Variants in IFT172 observed in about 807,000 individuals in gnomAD.
The protein encoded by IFT172 is intraflagellar transport 172, also known as intraflagellar transport protein 172 homolog.
Under a neutral mutation model 248.9 loss-of-function variants are expected in IFT172, and 164 were observed. The ratio of observed to expected loss-of-function variants is 0.66; its 90% confidence interval spans 0.58 to 0.75. The LOEUF is 0.75. Ranked by LOEUF, IFT172 falls within the 30% of genes least tolerant of loss-of-function variation. The pLI is 0.00. For missense variants in IFT172, 1,950 were observed against 2,192.4 expected, an observed-to-expected ratio of 0.89 and a Z score of 2.21; for synonymous variants, 729 against 791.6, an observed-to-expected ratio of 0.92 and a Z score of 1.33.
intron 8 of IFT172, 83 bp from the exon 9 acceptor site, chr2:27,480,232 C>T: frequency 6.7e-7 from 1 of 1,481,638 alleles, no homozygotes; most frequent in Non-Finnish European, 9.0e-7. Context: ...GGAAATTAGT[C>T]TTGCTATATC....
Position 27,477,620 on chromosome 2 carries a change from G to A in IFT172, c.1168-8C>T, listed in dbSNP as rs770614065. ...AGATCCTTGCCAGGCTATCTGTAAC[G>A]GGAGAAGACTTAAGAAGCAATGTGG... On this transcript the variant is annotated splice_polypyrimidine_tract_variant and splice_region_variant and intron_variant, in intron 11 of 47. Coordinates refer to ENST00000260570, the MANE Select transcript of IFT172 (RefSeq NM_015662.3). 12 of 1,595,364 alleles carry A rather than the reference G, an allele frequency of 7.5e-6. No homozygotes were observed. The highest frequency in any genetic ancestry group is 4.5e-5 in the East Asian group (2 of 44,782).
In IFT172 at chr2:27,477,218, T is replaced by C; in HGVS notation, c.1324A>G (p.Ser442Gly). Residue 442 changes from serine (S) to glycine (G), a missense_variant and splice_region_variant, in exon 13 of 48, where the codon AGT becomes GGT. Around this residue, in one of 3 missense-constraint regions of IFT172, gnomAD observed 1,166 missense variants for 1,254.1 expected, o/e 0.93. Coordinates refer to ENST00000260570, the MANE Select transcript of IFT172 (RefSeq NM_015662.3). Reference sequence around the variant, plus strand: ...ATTCAGAGAATCTTGTGAGGTTACCTGATGAGGTGGGGGTTCATGAATTCA... The same window carrying C: ...ATTCAGAGAATCTTGTGAGGTTACCCGATGAGGTGGGGGTTCATGAATTCA... The part of the protein sequence containing the change: ...RTEFMNPHLI[S>G]VRINERCQRG... The C allele has an allele frequency of 6.2e-7, 1 of 1,612,514 alleles. No homozygotes were observed. Among genetic ancestry groups the C allele is most frequent in the Non-Finnish European group, 8.5e-7 (1 of 1,178,556 alleles).
chr2:27,463,678 A>G (rs964325266), intron 18 of IFT172, among the ~76,000 whole-genome samples: 4 of 152,152 alleles, frequency 2.6e-5, no homozygotes, highest in African/African-American at 9.7e-5. Flanking sequence ...GGGCCACTTA[A>G]GTTGGTAGTT....
intron 18 of IFT172, among the ~76,000 whole-genome samples, chr2:27,464,512 A>T (rs1389124293): frequency 1.3e-5 from 2 of 152,216 alleles, no homozygotes; most frequent in South Asian, 2.1e-4. Context: ...CCAAACCTGG[A>T]TTATACACAT....
chr2:27,482,995 C>A (rs1668490703), intron 7 of IFT172, among the ~76,000 whole-genome samples: 2 of 144,166 alleles, frequency 1.4e-5, no homozygotes, highest in African/African-American at 5.2e-5. Context: ...CCCTATTCCA[C>A]AGCATCTTTT....
chr2:27,486,429 A>G (rs535340903), intron 1 of IFT172, among the ~76,000 whole-genome samples: 1 of 152,356 alleles, frequency 6.6e-6, no homozygotes, highest in South Asian at 2.1e-4. Context: ...CTCTGGTCCT[A>G]AGGGACTAGC....
chr2:27,461,870 A>T, intron 20 of IFT172, 34 bp from the exon 21 acceptor site: 1 of 1,611,844 alleles, frequency 6.2e-7, no homozygotes, highest in Non-Finnish European at 8.5e-7. Flanking sequence ...GAGGGACACC[A>T]GAAAGATATG....
At chr2:27,470,687 T>A in intron 16 of IFT172, 1 of 371,492 alleles carries the variant, frequency 2.7e-6, no homozygotes, top group Non-Finnish European at 4.8e-6. Context: ...CTCCATATTA[T>A]GACCTGGTGA....
Position 27,462,944 on chromosome 2 carries a change from AGCAATTC to A in IFT172, c.2022+146_2022+152del, listed in dbSNP as rs1397135295. 1.6e-5 allele frequency: 18 copies of A among 1,146,438 alleles called. No individual in the cohort carries two copies. The Admixed American group carries it at 1.8e-4, about 11-fold the overall frequency. The allele number at this position is 1,146,438 out of a possible 1,614,324, so 71.0% of individuals were successfully genotyped here. A position where few individuals can be genotyped will look rare whatever the true frequency, so the allele number is the denominator to read the frequency against. ...GCTTAAAGGTTTGAGGTTTAGCAAA[AGCAATTC>A]TGAAATGGTCTGACTTGAGGGTAAA... On this transcript the variant is annotated intron_variant, in intron 19 of 47. Coordinates refer to ENST00000260570, the MANE Select transcript of IFT172 (RefSeq NM_015662.3).
Position 27,483,604 on chromosome 2 carries a change from G to GAGTCTTA in IFT172, c.457_458insTAAGACT (p.Ser153LeufsTer28). 1 of 1,614,132 alleles carries GAGTCTTA rather than the reference G, an allele frequency of 6.2e-7. No individual in the cohort carries two copies. The highest frequency in any genetic ancestry group is 1.1e-5 in the South Asian group (1 of 91,066). On this transcript the variant is annotated frameshift_variant, in exon 6 of 48. Transcript: ENST00000260570. LOFTEE classifies it high-confidence loss of function. ...CTTTGTTGTCAGGGACACCACGTAAGACTCTGTCCCATAGATGGTAGATGA... is the reference window on the plus strand; with the variant it reads ...CTTTGTTGTCAGGGACACCACGTAAGAGTCTTAACTCTGTCCCATAGATGGTAGATGA...
intron 19 of IFT172, 88 bp downstream of exon 19, chr2:27,463,009 T>G: frequency 2.7e-6 from 4 of 1,468,568 alleles, no homozygotes; most frequent in Non-Finnish European, 3.8e-6. Context: ...AAACTGGGGA[T>G]GGCTGGAAAG....
At chr2:27,487,779 T>A (rs1668870317) in intron 1 of IFT172, among the ~76,000 whole-genome samples, 1 of 151,970 alleles carries the variant, frequency 6.6e-6, no homozygotes, top group Non-Finnish European at 1.5e-5. Flanking sequence ...TTTTAGTAGT[T>A]TCACCACGTT....
chr2:27,453,669 T>C lies in IFT172; in HGVS notation c.3782A>G (p.Gln1261Arg). ...AGTAGCTTCCCGCTCATATTCTTCC[T>C]GCAGAGCCTCCAGCTGGCTGGGCAC... is the stretch of plus-strand genomic sequence containing the variant. ...DYVPSQLEAL[Q>R]EEYEREATKK... The change falls in exon 34 of 48, where the codon CAG (glutamine) becomes CGG (arginine). Residue 1261 changes from glutamine to arginine, a missense_variant. Around this residue, in one of 3 missense-constraint regions of IFT172, gnomAD observed 620 missense variants for 699.0 expected, o/e 0.89. Transcript: ENST00000260570. 1 of 1,612,476 alleles carries C rather than the reference T, an allele frequency of 6.2e-7. No individual in the cohort carries two copies. Among genetic ancestry groups the C allele is most frequent in the Non-Finnish European group, 8.5e-7 (1 of 1,179,478 alleles).
At chr2:27,449,584 T>C in intron 37 of IFT172, 22 bp from the exon 38 acceptor site, 1 of 1,614,024 alleles carries the variant, frequency 6.2e-7, no homozygotes, top group Non-Finnish European at 8.5e-7. Context: ...TTCAGAGAGC[T>C]CCATCTTCAT....
chr2:27,451,547 A>AG (rs995159075), intron 35 of IFT172, among the ~76,000 whole-genome samples: 8 of 152,152 alleles, frequency 5.3e-5, no homozygotes, highest in African/African-American at 1.9e-4. Flanking sequence ...GTGGATCATG[A>AG]GGTCAGGAGA....
At position 27,445,008 on chromosome 2, in the gene IFT172, T is replaced by G; in HGVS notation, c.5160+6A>C. ...TGCCTTCATTCTCCAAGTCCTCCTC[T>G]CTAACCTTGATGGCCATAAGGAATT... On this transcript the variant is annotated splice_donor_region_variant and intron_variant, in intron 47 of 47. Coordinates refer to ENST00000260570, the MANE Select transcript of IFT172 (RefSeq NM_015662.3). This position sits in a 1 kb window ranked among gnomAD's most constrained non-coding sequence, Gnocchi z 4.4. The G allele has an allele frequency of 6.2e-7, 1 of 1,613,836 alleles. No homozygotes were observed. The highest frequency in any genetic ancestry group is 8.5e-7 in the Non-Finnish European group (1 of 1,179,898).
intron 29 of IFT172, 103 bp from the exon 30 acceptor site, chr2:27,456,756 AG>A: frequency 6.7e-7 from 1 of 1,492,630 alleles, no homozygotes; most frequent in Non-Finnish European, 9.0e-7. Flanking sequence ...TAAATTGAAC[AG>A]GAAGAGGCTG....
chr2:27,456,555 C>T lies in IFT172; in HGVS notation c.3327G>A (p.Lys1109=). The T allele has an allele frequency of 1.9e-6, 3 of 1,614,136 alleles. No homozygotes were observed. The highest frequency in any genetic ancestry group is 2.5e-6 in the Non-Finnish European group (3 of 1,180,018). Residue 1109 remains lysine (K), a synonymous_variant, in exon 30 of 48, where the codon AAG becomes AAA. Coordinates refer to ENST00000260570, the MANE Select transcript of IFT172 (RefSeq NM_015662.3). ...CAACAGCAGCTTCCAGGAGTCCCAGCTTATTAAGCAGTCTAACTGCAGCCT... is the reference window on the plus strand; with the variant it reads ...CAACAGCAGCTTCCAGGAGTCCCAGTTTATTAAGCAGTCTAACTGCAGCCT... ...GGEAAVRLLN[K]LGLLEAAVDH...
Position 27,453,759 on chromosome 2 carries a change from T to A in IFT172, c.3712-20A>T, listed in dbSNP as rs1342297956. ...AGCCTCCTGCTCAGATTTCCAGGTA[T>A]CAAGAGGGCAGAGGCAGGCCTGACA... On this transcript the variant is annotated intron_variant, in intron 33 of 47. Transcript: ENST00000260570. 1 of 1,604,478 alleles carries A rather than the reference T, an allele frequency of 6.2e-7. No individual in the cohort carries two copies. Among genetic ancestry groups the A allele is most frequent in the Admixed American group, 1.7e-5 (1 of 58,886 alleles).
Sources: gnomAD v4.1 joint callset for allele counts (sites outside exome capture counted in the v4.1 genomes callset) on GRCh38, gnomAD v4.1.1 for gene constraint, gnomAD v4.1.1 regional missense constraint, Gnocchi (gnomAD v3.1) non-coding constraint, MANE v1.5 for transcripts, NCBI Gene and HGNC (gene_info 2026-07-23, HGNC 2026-07-21) for gene names.